PCDHGA2: variants seen among roughly 807,000 people sequenced by gnomAD.
PCDHGA2 encodes the protein protocadherin gamma subfamily A, 2.
PCDHGA2 carries 40 observed loss-of-function variants against 59.2 expected under a neutral mutation model. That is an observed-to-expected ratio of 0.68 (90% CI 0.52 to 0.88). The LOEUF is 0.88. PCDHGA2 is among the 40% of genes least tolerant of loss of function. PCDHGA2 has a pLI of 0.00. For missense variants in PCDHGA2, 1,226 were observed against 1,204.0 expected (o/e 1.02, Z -0.27); for synonymous variants, 560 against 526.0 (o/e 1.06, Z -0.89).
rs776665790 is a variant in PCDHGA2, at chr5:141,340,065, T to C, written c.1094T>C (p.Ile365Thr). 1.2e-6 allele frequency: 2 copies of C among 1,614,074 alleles called. No individual in the cohort carries two copies. Among genetic ancestry groups the C allele is most frequent in the Non-Finnish European group, 1.7e-6 (2 of 1,180,000 alleles). ...SVSEDSLPGT[I>T]IGLFNVHDRD... is the part of the protein sequence containing the mutation. The stretch of plus-strand genomic sequence containing the variant: ...TCTGAAGACTCTCTTCCAGGAACCA[T>C]AATTGGGCTTTTTAATGTACATGAT... Residue 365 changes from isoleucine (I) to threonine (T), a missense_variant, in exon 1 of 4, where the codon ATA becomes ACA. Transcript: ENST00000394576.
chr5:141,447,805 G>T (rs1389870133), intron 1 of PCDHGA2, among the ~76,000 whole-genome samples: 2 of 152,064 alleles, frequency 1.3e-5, no homozygotes, highest in African/African-American at 4.8e-5. Context: ...AATAAAATTG[G>T]CTGGGCGTGG....
At position 141,361,648 on chromosome 5, in the gene PCDHGA2, G is replaced by C. The variant is rs1364656645; in HGVS notation, c.2424+20253G>C. 10 of 1,613,678 alleles carry C rather than the reference G, an allele frequency of 6.2e-6. No individual in the cohort carries two copies. Among genetic ancestry groups the C allele is most frequent in the Admixed American group, 5.0e-5 (3 of 60,014 alleles). ...GAAGCCGCGGGAGATTTTATCCTAC[G>C]TGTCCGTGAGCGCGCAGAGCGGGGT... On this transcript the variant is annotated intron_variant, in intron 1 of 3. Coordinates refer to ENST00000394576, the MANE Select transcript of PCDHGA2 (RefSeq NM_018915.4).
intron 1 of PCDHGA2, chr5:141,391,745 C>T (rs1371260062): frequency 6.6e-6 from 1 of 152,116 alleles, no homozygotes; most frequent in African/African-American, 2.4e-5. Flanking sequence ...CATACTTATC[C>T]TTTGGCTTCT....
chr5:141,397,573 T>C (rs1196804839), intron 1 of PCDHGA2, among the ~76,000 whole-genome samples: 1 of 152,212 alleles, frequency 6.6e-6, no homozygotes, highest in African/African-American at 2.4e-5. Flanking sequence ...GAGCAAGAAC[T>C]GTATCATATT....
chr5:141,455,133 C>G (rs1172825339), intron 1 of PCDHGA2, among the ~76,000 whole-genome samples: 2 of 151,392 alleles, frequency 1.3e-5, no homozygotes, highest in African/African-American at 4.9e-5. Context: ...TTAAATTACA[C>G]TGTGTTAAAT....
At chr5:141,351,988 C>G in intron 1 of PCDHGA2, 1 of 1,611,428 alleles carries the variant, frequency 6.2e-7, no homozygotes, top group Non-Finnish European at 8.5e-7. Context: ...TGGTGCCACG[C>G]GCCGCAGAGC....
chr5:141,414,420 C>G, intron 1 of PCDHGA2: 1 of 1,613,822 alleles, frequency 6.2e-7, no homozygotes, highest in Non-Finnish European at 8.5e-7. Flanking sequence ...GAGCCCTTGA[C>G]AGGGAACAGG....
rs1365133001 is a variant in PCDHGA2 at position 141,477,683 on chromosome 5, G to A, written c.2425-17124G>A. ...TGACAATGGCATAGTGTCATCCTTA[G>A]TGCCCCTAGACTATGAGGATCGGCG... On this transcript the variant is annotated intron_variant, in intron 1 of 3. Transcript: ENST00000394576. This position sits in a 1 kb window ranked among gnomAD's most constrained non-coding sequence, Gnocchi z 4.9. 1.2e-6 allele frequency: 2 copies of A among 1,614,176 alleles called. No homozygotes were observed. The highest frequency in any genetic ancestry group is 3.3e-5 in the Admixed American group (2 of 60,028).
chr5:141,405,149 G>T (rs1469979881), intron 1 of PCDHGA2: 4 of 1,614,038 alleles, frequency 2.5e-6, no homozygotes, highest in Non-Finnish European at 3.4e-6. Context: ...TGATGGGTTG[G>T]CTGGTGTGCC....
Position 141,487,767 on chromosome 5 carries a change from T to G in PCDHGA2, c.2425-7040T>G, listed in dbSNP as rs2099665569. The G allele has an allele frequency of 5.2e-6, 8 of 1,538,298 alleles. No homozygotes were observed. The African/African-American group carries it at 9.6e-5, about 18-fold the overall frequency. On this transcript the variant is annotated intron_variant, in intron 1 of 3. Transcript: ENST00000394576. This position sits in a 1 kb window ranked among gnomAD's most constrained non-coding sequence, Gnocchi z 5.0. ...GGTAACTATGTGGTAGACGCTGTGC[T>G]TTGTAACTGTTTCGTGAATTAACCA... is the stretch of plus-strand genomic sequence containing the variant.
At chr5:141,481,943 G>C (rs1454871018) in intron 1 of PCDHGA2, among the ~76,000 whole-genome samples, 1 of 148,544 alleles carries the variant, frequency 6.7e-6, no homozygotes, top group South Asian at 2.1e-4. Context: ...AAATCAGCCA[G>C]ATGTGGTGGC....
chr5:141,414,592 G>T, intron 1 of PCDHGA2: 1 of 1,613,920 alleles, frequency 6.2e-7, no homozygotes, highest in Non-Finnish European at 8.5e-7. Flanking sequence ...CGCCAGGGGT[G>T]CCTCCATCTT....
rs767397479 is a variant in PCDHGA2 at position 141,430,717 on chromosome 5, T to C, written c.2425-64090T>C. On this transcript the variant is annotated intron_variant, in intron 1 of 3. Transcript: ENST00000394576. ...GCGAAGGAACTGCTCCTGACTTCAG[T>C]GGTTAAGGGCAGAATTGAAAATAAT... is the stretch of plus-strand genomic sequence containing the variant. The C allele has an allele frequency of 8.1e-6, 12 of 1,475,446 alleles. No individual in the cohort carries two copies. The East Asian group carries it at 2.4e-4, about 29-fold the overall frequency. 91.4% of individuals were successfully genotyped at this position (1,475,446 alleles called of 1,614,324 possible). A position where few individuals can be genotyped will look rare whatever the true frequency, so the allele number is the denominator to read the frequency against.
chr5:141,419,395 G>T (rs374575981), intron 1 of PCDHGA2: 50 of 1,613,478 alleles, frequency 3.1e-5, no homozygotes, highest in Non-Finnish European at 4.0e-5. Flanking sequence ...CGCAGAGCGG[G>T]GTGGTGTTCG....
intron 1 of PCDHGA2, chr5:141,441,867 GCCTGGCTA>G (rs2098280856): frequency 1.2e-5 from 4 of 345,682 alleles, no homozygotes; most frequent in Non-Finnish European, 2.3e-5. Flanking sequence ...ACGCCGCGGA[GCCTGGCTA>G]CCTGGTCACC....
intron 1 of PCDHGA2, among the ~76,000 whole-genome samples, chr5:141,479,996 G>A (rs759188600): frequency 7.2e-5 from 11 of 152,244 alleles, no homozygotes; most frequent in Middle Eastern, 3.2e-3. Context: ...CTAGGAGTCT[G>A]TGGCCAAGTT....
In PCDHGA2 at chr5:141,489,537, C is replaced by T. The variant is rs2099688580; in HGVS notation, c.2425-5270C>T. 6.2e-6 allele frequency: 10 copies of T among 1,614,118 alleles called. No homozygotes were observed. Among genetic ancestry groups the T allele is most frequent in the Non-Finnish European group, 8.5e-6 (10 of 1,180,028 alleles). ...ACCGAGAAAGCCTATGTGGAGCCAG[C>T]ACCAGCTGCCTGCTGCCAGTGCAGG... On this transcript the variant is annotated intron_variant, in intron 1 of 3. Transcript: ENST00000394576. This position sits in a 1 kb window ranked among gnomAD's most constrained non-coding sequence, Gnocchi z 4.5.
At chr5:141,441,736 T>C in intron 1 of PCDHGA2, 1 of 365,328 alleles carries the variant, frequency 2.7e-6, no homozygotes. Flanking sequence ...CAGGACTAGC[T>C]CGCGCTCGGC....
intron 1 of PCDHGA2, among the ~76,000 whole-genome samples, chr5:141,450,006 C>CTATTTTTTTTTT (rs70988802): frequency 7.5e-6 from 1 of 132,986 alleles, no homozygotes. Context: ...TGCCATGTCT[C>CTATTTTTTTTTT]TTTTTTTTTT....
Sources: allele counts gnomAD v4.1 joint callset (sites outside exome capture counted in the v4.1 genomes callset), GRCh38; gene constraint gnomAD v4.1.1; non-coding constraint Gnocchi (gnomAD v3.1); transcripts MANE v1.5; gene names NCBI Gene and HGNC (gene_info 2026-07-23, HGNC 2026-07-21).